Variants in FAM107B observed in about 807,000 individuals in gnomAD.
FAM107B encodes the protein family with sequence similarity 107 member B.
In FAM107B, 21 loss-of-function variants were observed where a neutral mutation model predicts 31.5. The ratio of observed to expected loss-of-function variants is 0.67; its 90% confidence interval spans 0.47 to 0.96. The LOEUF (loss-of-function observed/expected upper bound fraction) is 0.96. Among genes scored for constraint, FAM107B ranks in the 40% least tolerant of loss-of-function variants. The pLI is 0.00. For missense variants in FAM107B, 452 were observed against 377.1 expected (o/e 1.20, Z -1.64); for synonymous variants, 157 against 141.5 (o/e 1.11, Z -0.78).
At chr10:14,716,384 G>A (rs1855780095) in intron 1 of FAM107B, among the ~76,000 whole-genome samples, 1 of 152,238 alleles carries the variant, frequency 6.6e-6, no homozygotes, top group Non-Finnish European at 1.5e-5. Flanking sequence ...CTGTTGGCAG[G>A]AGGCCCAGTG....
chr10:14,561,326 A>T (rs1389267168), intron 2 of FAM107B, among the ~76,000 whole-genome samples: 1 of 152,236 alleles, frequency 6.6e-6, no homozygotes, highest in Non-Finnish European at 1.5e-5. Flanking sequence ...AGTGCCATGC[A>T]GGGAAATACA....
intron 1 of FAM107B, among the ~76,000 whole-genome samples, chr10:14,739,790 G>A (rs1856394599): frequency 6.6e-6 from 1 of 152,192 alleles, no homozygotes; most frequent in South Asian, 2.1e-4. Flanking sequence ...AAGCCAATGA[G>A]AGACACCGTG....
chr10:14,584,349 G>A (rs1851754307), intron 2 of FAM107B, among the ~76,000 whole-genome samples: 1 of 152,176 alleles, frequency 6.6e-6, no homozygotes, highest in Non-Finnish European at 1.5e-5. Context: ...GTGACCAGGG[G>A]AAAACCCCAA....
At chr10:14,584,021 C>T (rs1851743540) in intron 2 of FAM107B, among the ~76,000 whole-genome samples, 2 of 152,328 alleles carry the variant, frequency 1.3e-5, no homozygotes, top group South Asian at 4.1e-4. Flanking sequence ...GAAATAAACA[C>T]TGCCTTTCAG....
At chr10:14,586,371 T>A (rs1042223926) in intron 2 of FAM107B, among the ~76,000 whole-genome samples, 2 of 152,314 alleles carry the variant, frequency 1.3e-5, no homozygotes, top group African/African-American at 4.8e-5. Flanking sequence ...GCCCATAGAC[T>A]TGAAGCCTCT....
At chr10:14,659,070 G>A (rs937394091) in intron 2 of FAM107B, among the ~76,000 whole-genome samples, 4 of 152,158 alleles carry the variant, frequency 2.6e-5, no homozygotes, top group Non-Finnish European at 5.9e-5. Context: ...AGAGTCTGGG[G>A]ACCAGGTCTT....
intron 2 of FAM107B, among the ~76,000 whole-genome samples, chr10:14,632,366 C>G (rs1853380564): frequency 6.9e-6 from 1 of 144,424 alleles, no homozygotes; most frequent in South Asian, 2.2e-4. Flanking sequence ...AATCCCAGCA[C>G]TTTGGGAGGC....
intron 2 of FAM107B, among the ~76,000 whole-genome samples, chr10:14,649,571 A>C (rs1386792526): frequency 6.6e-6 from 1 of 152,200 alleles, no homozygotes; most frequent in African/African-American, 2.4e-5. Flanking sequence ...TCTTTAGATA[A>C]TCACTTAACA....
chr10:14,604,137 G>T, intron 2 of FAM107B: 2 of 236,698 alleles, frequency 8.4e-6, no homozygotes, highest in Non-Finnish European at 1.3e-5. Context: ...CCGGCCGCCC[G>T]CCCGCCGAGA....
At chr10:14,729,841 T>C (rs1856123474) in intron 1 of FAM107B, among the ~76,000 whole-genome samples, 1 of 152,116 alleles carries the variant, frequency 6.6e-6, no homozygotes, top group Non-Finnish European at 1.5e-5. Flanking sequence ...ATATACACCA[T>C]GAAATACTAC....
intron 2 of FAM107B, chr10:14,554,028 G>A (rs765103916): frequency 5.4e-5 from 47 of 873,712 alleles, no homozygotes; most frequent in South Asian, 1.6e-4. Flanking sequence ...AAGGTTTGCC[G>A]CCTCTGGCCC....
At chr10:14,577,444 C>A (rs1202729734) in intron 2 of FAM107B, among the ~76,000 whole-genome samples, 1 of 152,186 alleles carries the variant, frequency 6.6e-6, no homozygotes, top group Non-Finnish European at 1.5e-5. Flanking sequence ...TTTAAAAAAG[C>A]GAGCTTACGT....
At chr10:14,595,504 C>CAA (rs1852160065) in intron 2 of FAM107B, among the ~76,000 whole-genome samples, 1 of 146,016 alleles carries the variant, frequency 6.8e-6, no homozygotes, top group Non-Finnish European at 1.5e-5. Flanking sequence ...CAGCTCACTG[C>CAA]AACCTCCGCC....
intron 1 of FAM107B, among the ~76,000 whole-genome samples, chr10:14,691,649 T>G (rs1186664972): frequency 6.6e-6 from 1 of 152,092 alleles, no homozygotes; most frequent in East Asian, 1.9e-4. Context: ...ATCCTAGCCC[T>G]TTGGGAGGCC....
intron 1 of FAM107B, among the ~76,000 whole-genome samples, chr10:14,676,187 A>T (rs1263054500): frequency 6.6e-6 from 1 of 152,006 alleles, no homozygotes; most frequent in South Asian, 2.1e-4. Flanking sequence ...AAACAAAAAA[A>T]CTTATGTAGC....
chr10:14,727,656 T>C (rs1304166145), intron 1 of FAM107B, among the ~76,000 whole-genome samples: 1 of 152,238 alleles, frequency 6.6e-6, no homozygotes, highest in Non-Finnish European at 1.5e-5. Context: ...TTCCCTATGG[T>C]ATTAAGCTCC....
At chr10:14,743,635 G>C (rs1461200419) in intron 1 of FAM107B, among the ~76,000 whole-genome samples, 1 of 152,134 alleles carries the variant, frequency 6.6e-6, no homozygotes, top group Non-Finnish European at 1.5e-5. Flanking sequence ...GCTTGTTTTT[G>C]TCAGGTTTGT....
chr10:14,553,995 T>C lies in FAM107B; in HGVS notation c.470-23480A>G, dbSNP rs143295211. 4.6e-4 allele frequency: 257 copies of C among 552,912 alleles called. No individual in the cohort carries two copies. In the African/African-American group the frequency reaches 5.1e-3, roughly 11 times the overall value. The allele number at this position is 552,912 out of a possible 1,614,324, so 34.3% of individuals were successfully genotyped here. On this transcript the variant is annotated intron_variant, in intron 2 of 4. Transcript: ENST00000181796. ...AGCTTTCTGAGCCCGTTTTTCCTTG[T>C]CTTCACCTCCCAGGCTTGCTGCAAG...
intron 2 of FAM107B, among the ~76,000 whole-genome samples, chr10:14,607,586 C>T (rs543740835): frequency 2.6e-5 from 4 of 152,220 alleles, no homozygotes; most frequent in Non-Finnish European, 5.9e-5. Flanking sequence ...TAACAGGCAA[C>T]ACCAGACCCT....
Sources: gnomAD v4.1 joint callset for allele counts (sites outside exome capture counted in the v4.1 genomes callset) on GRCh38, gnomAD v4.1.1 for gene constraint, MANE v1.5 for transcripts, NCBI Gene and HGNC (gene_info 2026-07-23, HGNC 2026-07-21) for gene names.